The following TBX4 variants were observed in gnomAD, a reference collection of about 807,000 sequenced individuals.
TBX4 encodes T-box transcription factor TBX4.
Under a neutral mutation model 54.6 loss-of-function variants are expected in TBX4, and 13 were observed. The ratio of observed to expected loss-of-function variants is 0.24; its 90% confidence interval spans 0.15 to 0.38. The LOEUF (loss-of-function observed/expected upper bound fraction) is 0.38, where lower values mean the gene tolerates loss of function less well. TBX4 is among the 10% of genes least tolerant of loss of function. The pLI, the probability that TBX4 is intolerant of heterozygous loss-of-function variation, is 1.00. For synonymous variants in TBX4, 314 were observed against 306.7 expected (o/e 1.02, Z -0.25); for missense variants, 631 against 728.5 (o/e 0.87, Z 1.54).
chr17:61,483,556 C>T lies in TBX4; in HGVS notation c.*40C>T. The T allele has an allele frequency of 6.2e-7, 1 of 1,612,802 alleles. No homozygotes were observed. Among genetic ancestry groups the T allele is most frequent in the Non-Finnish European group, 8.5e-7 (1 of 1,179,882 alleles). The stretch of plus-strand genomic sequence containing the variant: ...CCATAGCCCCGGGACCGTGTTGCTC[C>T]AGTATTAACCTCTGTGGGTGGCCTG... On this transcript the variant is annotated 3_prime_UTR_variant, in exon 9 of 9. Transcript: ENST00000644296. The surrounding 1 kb of genome is among the most constrained non-coding windows in gnomAD (Gnocchi z 6.6).
In TBX4 at chr17:61,483,095, G is replaced by T. The variant is rs145825881; in HGVS notation, c.1220G>T (p.Gly407Val). The T allele has an allele frequency of 1.9e-6, 3 of 1,613,988 alleles. No homozygotes were observed. The highest frequency in any genetic ancestry group is 2.7e-5 in the African/African-American group (2 of 74,874). Residue 407 changes from glycine to valine, a missense_variant, in exon 9 of 9, where the codon GGG (glycine) becomes GTG (valine). This residue lies in a region of TBX4 where 354 missense variants were observed against 368.9 expected (regional missense o/e 0.96). Coordinates refer to ENST00000644296, the MANE Select transcript of TBX4 (RefSeq NM_001321120.2). This position sits in a 1 kb window ranked among gnomAD's most constrained non-coding sequence, Gnocchi z 6.6. ...GSGPEIAGVS[G>V]VDDLPPPPLS... ...GGGCCCGAGATTGCCGGGGTGTCTG[G>T]GGTGGACGACCTGCCCCCACCTCCG...
rs1482924183 is a variant in TBX4 at position 61,481,793 on chromosome 17, G to A, written c.1022-1104G>A. On this transcript the variant is annotated intron_variant, in intron 8 of 8. Coordinates refer to ENST00000644296, the MANE Select transcript of TBX4 (RefSeq NM_001321120.2). The surrounding 1 kb of genome is among the most constrained non-coding windows in gnomAD (Gnocchi z 4.8). The stretch of plus-strand genomic sequence containing the variant: ...GTTGTTGTCCTTGTTTTGAGACGGA[G>A]TCTCTCTCTGTCTCCCAGGCTGGAG... The A allele has an allele frequency of 1.3e-5, 2 of 152,278 alleles. No homozygotes were observed. Among genetic ancestry groups the A allele is most frequent in the Non-Finnish European group, 2.9e-5 (2 of 68,106 alleles). 9.4% of individuals were successfully genotyped at this position (152,278 alleles called of 1,614,324 possible).
At position 61,482,905 on chromosome 17, in the gene TBX4, A is replaced by C. The variant is rs953019426; in HGVS notation, c.1030A>C (p.Thr344Pro). 1 of 1,613,418 alleles carries C rather than the reference A, an allele frequency of 6.2e-7. No homozygotes were observed. Among genetic ancestry groups the C allele is most frequent in the Admixed American group, 1.7e-5 (1 of 59,982 alleles). The change falls in exon 9 of 9, where the codon ACC (threonine) becomes CCC (proline). Residue 344 changes from threonine (T) to proline (P), a missense_variant. By Grantham distance (38) the Thr-to-Pro change is conservative. Coordinates refer to ENST00000644296, the MANE Select transcript of TBX4 (RefSeq NM_001321120.2). ...YHCLKRRADG[T>P]RHLDLPCKRS... ...GTTACTTTGTCTTTCAGCAGACGGT[A>C]CCCGCCACCTGGACTTACCTTGCAA...
rs2060477498 is a variant in TBX4, at chr17:61,459,288, G to T, written c.281+1657G>T. 6.6e-6 allele frequency among the ~76,000 whole-genome samples: 1 copy of T among 152,202 alleles called. No individual in the cohort carries two copies. Among genetic ancestry groups the T allele is most frequent in the African/African-American group, 2.4e-5 (1 of 41,444 alleles). ...GGAAATGGTGACCGTAGACCTATCTGCTGTCCCTTCCTTTTCTATCACTGT... is the reference window on the plus strand; with the variant it reads ...GGAAATGGTGACCGTAGACCTATCTTCTGTCCCTTCCTTTTCTATCACTGT... On this transcript the variant is annotated intron_variant, in intron 3 of 8. Coordinates refer to ENST00000644296, the MANE Select transcript of TBX4 (RefSeq NM_001321120.2). This position sits in a 1 kb window ranked among gnomAD's most constrained non-coding sequence, Gnocchi z 4.8.
Position 61,483,219 on chromosome 17 carries a change from C to T in TBX4, c.1344C>T (p.Thr448=), listed in dbSNP as rs199998292. 31 of 1,614,148 alleles carry T rather than the reference C, an allele frequency of 1.9e-5. No homozygotes were observed. In the East Asian group the frequency reaches 5.1e-4, roughly 27 times the overall value. The change falls in exon 9 of 9, where the codon ACC becomes ACT. Residue 448 remains threonine, a synonymous_variant. Transcript: ENST00000644296. The surrounding 1 kb of genome is among the most constrained non-coding windows in gnomAD (Gnocchi z 6.6). ...ACCAGCCCTTCCCCACGCACTTCAC[C>T]GCCACCACCATGATGCCGCGGCTGC... ...VPYQPFPTHF[T]ATTMMPRLPT...
At chr17:61,466,604 G>A (rs1427558435) in intron 4 of TBX4, among the ~76,000 whole-genome samples, 1 of 152,260 alleles carries the variant, frequency 6.6e-6, no homozygotes, top group Non-Finnish European at 1.5e-5. Context: ...CGAGCAGCCA[G>A]CCAGGACACT....
At chr17:61,456,788 G>T (rs2060453882) in intron 2 of TBX4, 112 bp downstream of exon 2, 1 of 831,746 alleles carries the variant, frequency 1.2e-6, no homozygotes, top group East Asian at 3.8e-5. Flanking sequence ...GGAGGACCTG[G>T]CTGCATTCAG....
rs145137675 is a variant in TBX4, at chr17:61,457,486, C to T, written c.187-51C>T. ...CTGGTTCTTCTTTCCTCAGGCTCCGCGTGGAGCCCTGGGCCTGGCAGACAC... is the reference window on the plus strand; with the variant it reads ...CTGGTTCTTCTTTCCTCAGGCTCCGTGTGGAGCCCTGGGCCTGGCAGACAC... On this transcript the variant is annotated intron_variant, in intron 2 of 8. Transcript: ENST00000644296. The surrounding 1 kb of genome is among the most constrained non-coding windows in gnomAD (Gnocchi z 8.2). 1,529 of 1,557,150 alleles carry T rather than the reference C, an allele frequency of 9.8e-4. 9 individuals are homozygous for T. The African/African-American group carries it at 0.017, about 17-fold the overall frequency.
chr17:61,483,371 C>G lies in TBX4; in HGVS notation c.1496C>G (p.Pro499Arg). 2 of 1,610,026 alleles carry G rather than the reference C, an allele frequency of 1.2e-6. No homozygotes were observed. The highest frequency in any genetic ancestry group is 1.7e-6 in the Non-Finnish European group (2 of 1,177,110). ...TCATTCCCAAGAGAGCGCGGCCTCCCCCAAGGGTGTGAGAGGAAGCCACCC... is the reference window on the plus strand; with the variant it reads ...TCATTCCCAAGAGAGCGCGGCCTCCGCCAAGGGTGTGAGAGGAAGCCACCC... ...SASFPRERGLPQGCERKPPSP... is the reference protein window; with the variant it reads ...SASFPRERGLRQGCERKPPSP... The change falls in exon 9 of 9, where the codon CCC becomes CGC. Residue 499 changes from proline to arginine, a missense_variant. By Grantham distance (103) the Pro-to-Arg change is moderately radical (BLOSUM62 -2). Coordinates refer to ENST00000644296, the MANE Select transcript of TBX4 (RefSeq NM_001321120.2). The surrounding 1 kb of genome is among the most constrained non-coding windows in gnomAD (Gnocchi z 6.6).
intron 8 of TBX4, among the ~76,000 whole-genome samples, chr17:61,482,623 T>C (rs186093696): frequency 1.6e-3 from 239 of 152,270 alleles, no homozygotes; most frequent in African/African-American, 5.4e-3. Flanking sequence ...TGGCGAAGGA[T>C]CAAAGCCGAG....
intron 3 of TBX4, among the ~76,000 whole-genome samples, chr17:61,463,546 T>A (rs1296099302): frequency 6.6e-6 from 1 of 152,216 alleles, no homozygotes; most frequent in Non-Finnish European, 1.5e-5. Context: ...CCCCCTGGGC[T>A]GTGGAAATGA....
chr17:61,480,244 C>A lies in TBX4; in HGVS notation c.946C>A (p.Pro316Thr). Residue 316 changes from proline (P) to threonine (T), a missense_variant, in exon 8 of 9, where the codon CCG (proline) becomes ACG (threonine). By Grantham distance (38) the Pro-to-Thr change is conservative. Coordinates refer to ENST00000644296, the MANE Select transcript of TBX4 (RefSeq NM_001321120.2). This position sits in a 1 kb window ranked among gnomAD's most constrained non-coding sequence, Gnocchi z 6.2. Reference sequence around the variant, plus strand: ...CGGGGCACACTCACAGCTCGCGGAGCCGCAGGACCTGCCCCTCAGCACCTT... The same window carrying A: ...CGGGGCACACTCACAGCTCGCGGAGACGCAGGACCTGCCCCTCAGCACCTT... ...ENGAHSQLAE[P>T]QDLPLSTFPT... 6.2e-7 allele frequency: 1 copy of A among 1,614,122 alleles called. No individual in the cohort carries two copies. Among genetic ancestry groups the A allele is most frequent in the South Asian group, 1.1e-5 (1 of 91,086 alleles).
Position 61,479,864 on chromosome 17 carries a change from G to A in TBX4, c.703-17G>A. On this transcript the variant is annotated splice_polypyrimidine_tract_variant and intron_variant, in intron 6 of 8. Transcript: ENST00000644296. This position sits in a 1 kb window ranked among gnomAD's most constrained non-coding sequence, Gnocchi z 6.1. ...GTGTGCCTCACACTGGTGACCCTATGTGTTTTCTCCCCACAGATCACCCAG... is the reference window on the plus strand; with the variant it reads ...GTGTGCCTCACACTGGTGACCCTATATGTTTTCTCCCCACAGATCACCCAG... 1 of 1,613,424 alleles carries A rather than the reference G, an allele frequency of 6.2e-7. No individual in the cohort carries two copies. The highest frequency in any genetic ancestry group is 8.5e-7 in the Non-Finnish European group (1 of 1,179,352).
At chr17:61,473,020 A>G (rs911087319) in intron 5 of TBX4, among the ~76,000 whole-genome samples, 1 of 152,062 alleles carries the variant, frequency 6.6e-6, no homozygotes, top group Non-Finnish European at 1.5e-5. Context: ...AGTCTTGTCT[A>G]TTTTTTCACA....
chr17:61,471,655 A>G (rs1384871551), intron 5 of TBX4, among the ~76,000 whole-genome samples: 1 of 152,016 alleles, frequency 6.6e-6, no homozygotes, highest in Admixed American at 6.5e-5. Flanking sequence ...TGTAAACTTA[A>G]TAATATCTCT....
rs1159101510 is a variant in TBX4 at position 61,465,883 on chromosome 17, C to T, written c.346C>T (p.Leu116=). The stretch of plus-strand genomic sequence containing the variant: ...GAACCCCAAGACCAAGTATATCCTG[C>T]TGATTGACATTGTCCCTGCCGATGA... ...GMNPKTKYIL[L]IDIVPADDHR... The change falls in exon 4 of 9, where the codon CTG becomes TTG. Residue 116 remains leucine, a synonymous_variant. Coordinates refer to ENST00000644296, the MANE Select transcript of TBX4 (RefSeq NM_001321120.2). The surrounding 1 kb of genome is among the most constrained non-coding windows in gnomAD (Gnocchi z 4.9). The T allele has an allele frequency of 1.9e-6, 3 of 1,614,058 alleles. No individual in the cohort carries two copies. The Admixed American group carries it at 5.0e-5, about 27-fold the overall frequency.
chr17:61,466,239 G>A (rs2060536891), intron 4 of TBX4, among the ~76,000 whole-genome samples: 1 of 152,186 alleles, frequency 6.6e-6, no homozygotes, highest in South Asian at 2.1e-4. Flanking sequence ...TAACTATGCT[G>A]TCAGGTGACA....
chr17:61,475,867 A>C lies in TBX4; in HGVS notation c.550-2760A>C, dbSNP rs147868252. Among the ~76,000 whole-genome samples, 29 of 152,302 alleles carry C rather than the reference A, an allele frequency of 1.9e-4. No homozygotes were observed. The highest frequency in any genetic ancestry group is 7.0e-4 in the African/African-American group (29 of 41,576). ...GTGACTGGGGGAGGCCTTCATGCCA[A>C]GGAGCTGGCACATCGGGGAACTCAT... On this transcript the variant is annotated intron_variant, in intron 5 of 8. Coordinates refer to ENST00000644296, the MANE Select transcript of TBX4 (RefSeq NM_001321120.2). The surrounding 1 kb of genome is among the most constrained non-coding windows in gnomAD (Gnocchi z 5.0).
rs1162399684 is a variant in TBX4, at chr17:61,483,889, C to T, written c.*373C>T. On this transcript the variant is annotated 3_prime_UTR_variant, in exon 9 of 9. Transcript: ENST00000644296. The surrounding 1 kb of genome is among the most constrained non-coding windows in gnomAD (Gnocchi z 6.6). ...TTACTCAGGGGCCAGGTGGGGAGTT[C>T]TCTCCCATGGGGAAAGATTCTCACT... 3.6e-6 allele frequency: 1 copy of T among 277,812 alleles called. No homozygotes were observed. The highest frequency in any genetic ancestry group is 7.0e-6 in the Non-Finnish European group (1 of 142,124). 17.2% of individuals were successfully genotyped at this position (277,812 alleles called of 1,614,324 possible).
Sources: gnomAD v4.1 joint callset for allele counts (sites outside exome capture counted in the v4.1 genomes callset) on GRCh38, gnomAD v4.1.1 for gene constraint, gnomAD v4.1.1 regional missense constraint, Gnocchi (gnomAD v3.1) non-coding constraint, MANE v1.5 for transcripts, NCBI Gene and HGNC (gene_info 2026-07-23, HGNC 2026-07-21) for gene names.